Variants in LRRIQ1 observed in about 807,000 individuals in gnomAD.
LRRIQ1 encodes leucine-rich repeat- and IQ domain-containing protein 1.
LRRIQ1 carries 210 observed loss-of-function variants against 211.9 expected under a neutral mutation model. That is an observed-to-expected ratio of 0.99 (90% CI 0.89 to 1.11). LRRIQ1 has a LOEUF of 1.11. Ranked by LOEUF, LRRIQ1 falls within the 50% of genes most tolerant of loss-of-function variation. The probability of loss-of-function intolerance (pLI) is 0.00; values close to 1 mark genes in which losing one functional copy is unlikely to be tolerated. For synonymous variants in LRRIQ1, 699 were observed against 650.1 expected, an observed-to-expected ratio of 1.08 and a Z score of -1.14; for missense variants, 2,136 against 1,939.5, an observed-to-expected ratio of 1.10 and a Z score of -1.90.
intron 11 of LRRIQ1, among the ~76,000 whole-genome samples, chr12:85,077,792 T>G (rs189876790): frequency 6.6e-6 from 1 of 152,056 alleles, no homozygotes; most frequent in African/African-American, 2.4e-5. Context: ...GGCAACATAG[T>G]GAGACCTCAT....
At chr12:85,238,037 A>C (rs754283476) in intron 26 of LRRIQ1, among the ~76,000 whole-genome samples, 2 of 152,132 alleles carry the variant, frequency 1.3e-5, no homozygotes, top group Admixed American at 6.6e-5. Flanking sequence ...CTAAATGTTG[A>C]GGAAACAGAT....
At chr12:85,076,692 T>C (rs928013353) in intron 11 of LRRIQ1, 1 of 232,172 alleles carries the variant, frequency 4.3e-6, no homozygotes, top group Non-Finnish European at 7.1e-6. Flanking sequence ...CTTTCAAATA[T>C]TGTCTTTGAA....
downstream of LRRIQ1, among the ~76,000 whole-genome samples, chr12:85,268,070 T>TA (rs1565935813): frequency 3.2e-4 from 49 of 152,066 alleles, no homozygotes; most frequent in Non-Finnish European, 5.9e-4. Context: ...CCAAAAATAC[T>TA]CTAAGCAGAT....
At chr12:85,125,156 G>A (rs1200277603) in intron 17 of LRRIQ1, among the ~76,000 whole-genome samples, 2 of 152,118 alleles carry the variant, frequency 1.3e-5, no homozygotes, top group Non-Finnish European at 1.5e-5. Flanking sequence ...TCCAGCCAGG[G>A]TGACAGAGCG....
At chr12:85,197,274 T>C (rs2136987734) in intron 24 of LRRIQ1, among the ~76,000 whole-genome samples, 1 of 151,484 alleles carries the variant, frequency 6.6e-6, no homozygotes, top group South Asian at 2.1e-4. Context: ...GTGTGGCGAT[T>C]CCTCAGGGAT....
chr12:85,214,882 G>T (rs930589148), intron 24 of LRRIQ1, among the ~76,000 whole-genome samples: 2 of 152,026 alleles, frequency 1.3e-5, no homozygotes, highest in Non-Finnish European at 2.9e-5. Flanking sequence ...TACATCGAAA[G>T]ATGTCATAAT....
chr12:85,090,142 G>A (rs1023299981), intron 11 of LRRIQ1, among the ~76,000 whole-genome samples: 2 of 152,180 alleles, frequency 1.3e-5, no homozygotes, highest in African/African-American at 2.4e-5. Flanking sequence ...TCTTCCACGT[G>A]GTATTAAGCC....
At chr12:85,226,531 CT>C (rs540579707) in intron 24 of LRRIQ1, among the ~76,000 whole-genome samples, 1,599 of 136,524 alleles carry the variant, frequency 0.012, 12 homozygotes, top group African/African-American at 0.027. Context: ...TTTCTACTTC[CT>C]TTTTTTTTTT....
At chr12:85,085,326 C>T (rs1254187091) in intron 11 of LRRIQ1, among the ~76,000 whole-genome samples, 1 of 152,114 alleles carries the variant, frequency 6.6e-6, no homozygotes, top group East Asian at 1.9e-4. Flanking sequence ...CTTACAAAAC[C>T]ACCAGATCTC....
Position 85,055,666 on chromosome 12 carries a change from A to C in LRRIQ1, c.873A>C (p.Gln291His), listed in dbSNP as rs1364307258. ...AGAATAATGCAGCTGTTAAAATTCA[A>C]GCTAAATATAAAGCATTTGTTGCCT... is the stretch of plus-strand genomic sequence containing the variant. ...KQQNNAAVKI[Q>H]AKYKAFVAYQ... The change falls in exon 8 of 27, where the codon CAA becomes CAC. Residue 291 changes from glutamine (Q) to histidine (H), a missense_variant. Transcript: ENST00000393217. The C allele has an allele frequency of 6.2e-7, 1 of 1,603,780 alleles. No individual in the cohort carries two copies.
At chr12:85,038,630 T>C (rs1322310582) in intron 2 of LRRIQ1, among the ~76,000 whole-genome samples, 1 of 151,694 alleles carries the variant, frequency 6.6e-6, no homozygotes, top group African/African-American at 2.4e-5. Flanking sequence ...ATTATCCTTT[T>C]ATTTGTGTAT....
rs1886575529 is a variant in LRRIQ1 at position 85,103,870 on chromosome 12, GTA to G, written c.3210-127_3210-126del. On this transcript the variant is annotated intron_variant, in intron 13 of 26. Coordinates refer to ENST00000393217, the MANE Select transcript of LRRIQ1 (RefSeq NM_001079910.2). ...ATAATTTTATTGTACAATTATAATT[GTA>G]TATATAAAATTGTATAAAATGTGTA... 8.7e-6 allele frequency: 3 copies of G among 344,336 alleles called. No homozygotes were observed. The East Asian group carries it at 1.7e-4, about 19-fold the overall frequency. 21.3% of individuals were successfully genotyped at this position (344,336 alleles called of 1,614,324 possible).
chr12:85,147,040 G>T (rs1375438562), intron 19 of LRRIQ1, among the ~76,000 whole-genome samples: 1 of 151,754 alleles, frequency 6.6e-6, no homozygotes, highest in Non-Finnish European at 1.5e-5. Context: ...TAGATGTGTC[G>T]ATAGAAGGAG....
intron 10 of LRRIQ1, among the ~76,000 whole-genome samples, chr12:85,072,638 C>G (rs569479779): frequency 3.0e-4 from 46 of 151,160 alleles, no homozygotes; most frequent in African/African-American, 1.1e-3. Context: ...TTAGCTTTGA[C>G]TATTATGTTT....
chr12:85,177,277 A>C (rs995930661), intron 24 of LRRIQ1, among the ~76,000 whole-genome samples: 1 of 152,124 alleles, frequency 6.6e-6, no homozygotes, highest in Admixed American at 6.6e-5. Flanking sequence ...GTGATCAATG[A>C]CATAAACACA....
In LRRIQ1 at chr12:85,056,691, AAG is replaced by A. The variant is rs766246491; in HGVS notation, c.1900_1901del (p.Glu634AsnfsTer9). The A allele has an allele frequency of 1.9e-6, 3 of 1,606,924 alleles. No individual in the cohort carries two copies. In the South Asian group the frequency reaches 3.4e-5, roughly 18 times the overall value. ...AGAGAAAACGTAATATTACAAGAAA[AAG>A]AAATTTATTCAAAATCCAAAGAAAT... is the stretch of plus-strand genomic sequence containing the variant. On this transcript the variant is annotated frameshift_variant, in exon 8 of 27. Transcript: ENST00000393217. LOFTEE classifies it high-confidence loss of function.
intron 26 of LRRIQ1, among the ~76,000 whole-genome samples, chr12:85,236,622 C>A (rs188823415): frequency 6.6e-6 from 1 of 151,710 alleles, no homozygotes. Flanking sequence ...AAAGTAGAAG[C>A]TGGTACAGTC....
chr12:85,264,802 A>G (rs77417448), downstream of LRRIQ1, among the ~76,000 whole-genome samples: 161 of 152,172 alleles, frequency 1.1e-3, no homozygotes, highest in East Asian at 7.0e-3. Flanking sequence ...CTATTCAAAC[A>G]TGTGACCCAC....
intron 15 of LRRIQ1, among the ~76,000 whole-genome samples, chr12:85,116,299 C>T (rs1430637838): frequency 6.6e-6 from 1 of 152,030 alleles, no homozygotes; most frequent in African/African-American, 2.4e-5. Flanking sequence ...CCCACCACCA[C>T]GCCTGGCTAA....
Sources: gnomAD v4.1 joint callset for allele counts (sites outside exome capture counted in the v4.1 genomes callset) on GRCh38, gnomAD v4.1.1 for gene constraint, MANE v1.5 for transcripts, NCBI Gene and HGNC (gene_info 2026-07-23, HGNC 2026-07-21) for gene names.